The following ALPK2 variants were observed in gnomAD, a reference collection of about 807,000 sequenced individuals.
The protein encoded by ALPK2 is alpha kinase 2.
In ALPK2, 127 loss-of-function variants were observed where a neutral mutation model predicts 163.1. That is an observed-to-expected ratio of 0.78 (90% CI 0.67 to 0.90). The LOEUF (loss-of-function observed/expected upper bound fraction) is 0.90, where lower values mean the gene tolerates loss of function less well. ALPK2 is among the 40% of genes least tolerant of loss of function. The pLI is 0.00. For synonymous variants in ALPK2, 953 were observed against 959.1 expected (o/e 0.99, Z 0.12); for missense variants, 2,360 against 2,589.6 (o/e 0.91, Z 1.92).
At chr18:58,552,334 TG>T (rs1350405413) in intron 4 of ALPK2, among the ~76,000 whole-genome samples, 1 of 152,216 alleles carries the variant, frequency 6.6e-6, no homozygotes, top group Non-Finnish European at 1.5e-5. Context: ...CAACAAATAT[TG>T]ACAGACACTG....
chr18:58,536,750 C>A lies in ALPK2; in HGVS notation c.3437G>T (p.Gly1146Val). Reference protein sequence around the residue: ...GVQQQSLSQQGSLSAPDFQQS... With the variant: ...GVQQQSLSQQVSLSAPDFQQS... ...TTGGAAATCAGGTGCAGAAAGAGAA[C>A]CCTGCTGGGACAGGCTCTGCTGCTG... Residue 1146 changes from glycine to valine, a missense_variant, in exon 5 of 13, where the codon GGT becomes GTT. Coordinates refer to ENST00000361673, the MANE Select transcript of ALPK2 (RefSeq NM_052947.4). The A allele has an allele frequency of 6.2e-7, 1 of 1,614,190 alleles. No homozygotes were observed. The highest frequency in any genetic ancestry group is 2.2e-5 in the East Asian group (1 of 44,890).
intron 8 of ALPK2, among the ~76,000 whole-genome samples, chr18:58,522,282 A>T (rs1273370358): frequency 6.6e-6 from 1 of 152,148 alleles, no homozygotes; most frequent in Admixed American, 6.5e-5. Context: ...GTGGTTTAAG[A>T]GTGGCCACAC....
At chr18:58,590,645 CTT>C (rs1282946430) in intron 3 of ALPK2, among the ~76,000 whole-genome samples, 1 of 152,202 alleles carries the variant, frequency 6.6e-6, no homozygotes, top group Non-Finnish European at 1.5e-5. Context: ...ATAGGAAAGA[CTT>C]TGGTCTTTCC....
intron 1 of ALPK2, among the ~76,000 whole-genome samples, chr18:58,616,792 T>C (rs546353865): frequency 6.6e-6 from 1 of 152,228 alleles, no homozygotes; most frequent in East Asian, 1.9e-4. Context: ...TTTCCCTGAG[T>C]TCTGTGAGCT....
In ALPK2 at chr18:58,504,156, G is replaced by T. The variant is rs749863683; in HGVS notation, c.6030-8C>A. 5.6e-6 allele frequency: 9 copies of T among 1,611,564 alleles called. No individual in the cohort carries two copies. In the South Asian group the frequency reaches 9.9e-5, roughly 18 times the overall value. On this transcript the variant is annotated splice_polypyrimidine_tract_variant and splice_region_variant and intron_variant, in intron 10 of 12. Coordinates refer to ENST00000361673, the MANE Select transcript of ALPK2 (RefSeq NM_052947.4). ...AGAAAAATAGGAATGATCCTGGCAG[G>T]GAAGAGAACACAGGCGCACATCAAG...
At chr18:58,542,800 A>G (rs1198031253) in intron 4 of ALPK2, among the ~76,000 whole-genome samples, 1 of 152,180 alleles carries the variant, frequency 6.6e-6, no homozygotes, top group Non-Finnish European at 1.5e-5. Flanking sequence ...GGTGGTCAGC[A>G]TGCAGTGGCG....
intron 10 of ALPK2, among the ~76,000 whole-genome samples, chr18:58,509,497 C>G (rs941626668): frequency 1.3e-5 from 2 of 152,156 alleles, no homozygotes; most frequent in Non-Finnish European, 2.9e-5. Flanking sequence ...TATAGTCCCA[C>G]CAACAGTGTA....
chr18:58,536,196 G>A lies in ALPK2; in HGVS notation c.3991C>T (p.Arg1331Trp), dbSNP rs138767827. Residue 1331 changes from arginine (R) to tryptophan (W), a missense_variant, in exon 5 of 13, where the codon CGG becomes TGG. Coordinates refer to ENST00000361673, the MANE Select transcript of ALPK2 (RefSeq NM_052947.4). The part of the protein sequence containing the change: ...ISVHWRSLSS[R>W]GFSQPRLLES... ...AGGAGTCTGGGTTGGCTGAAACCCCGGGAAGAAAGACTTCTCCAATGTACA... is the reference window on the plus strand; with the variant it reads ...AGGAGTCTGGGTTGGCTGAAACCCCAGGAAGAAAGACTTCTCCAATGTACA... 565 of 1,614,120 alleles carry A rather than the reference G, an allele frequency of 3.5e-4. 1 individual carries two copies. The highest frequency in any genetic ancestry group is 3.5e-4 in the Non-Finnish European group (417 of 1,180,008).
chr18:58,620,734 G>A (rs867205081), intron 1 of ALPK2, among the ~76,000 whole-genome samples: 7 of 152,326 alleles, frequency 4.6e-5, no homozygotes, highest in East Asian at 3.9e-4. Context: ...AATTTAATGA[G>A]CCCCTACTAA....
chr18:58,569,043 A>G (rs930435934), intron 4 of ALPK2, among the ~76,000 whole-genome samples: 14 of 152,256 alleles, frequency 9.2e-5, no homozygotes, highest in East Asian at 1.9e-4. Flanking sequence ...GCAAAACCCC[A>G]TCTCTACTAA....
Position 58,535,641 on chromosome 18 carries a change from T to C in ALPK2, c.4546A>G (p.Ser1516Gly). The change falls in exon 5 of 13, where the codon AGC becomes GGC. Residue 1516 changes from serine (S) to glycine (G), a missense_variant. Transcript: ENST00000361673. ...GCCTCCCCTAAGCTCCCATCACTGC[T>C]TTCTTGTATTTGGCCTATGCTACAT... The part of the protein sequence containing the change: ...SGCSIGQIQE[S>G]SDGSLGEAEQ... 6.2e-7 allele frequency: 1 copy of C among 1,614,258 alleles called. No homozygotes were observed. Among genetic ancestry groups the C allele is most frequent in the Non-Finnish European group, 8.5e-7 (1 of 1,180,034 alleles).
intron 4 of ALPK2, chr18:58,543,338 T>A (rs2051700879): frequency 1.0e-6 from 1 of 984,624 alleles, no homozygotes. Context: ...ACGGACTAAG[T>A]CACAGAGGGA....
intron 5 of ALPK2, among the ~76,000 whole-genome samples, chr18:58,533,577 G>T (rs878977637): frequency 6.6e-6 from 1 of 151,466 alleles, no homozygotes; most frequent in Non-Finnish European, 1.5e-5. Context: ...CTCCTTAGCC[G>T]CAGAGTAGCT....
chr18:58,609,004 A>T (rs1326921971), intron 2 of ALPK2, among the ~76,000 whole-genome samples: 1 of 152,066 alleles, frequency 6.6e-6, no homozygotes, highest in African/African-American at 2.4e-5. Flanking sequence ...GGAACTCCAT[A>T]GAAAGAGGAA....
chr18:58,535,044 G>T lies in ALPK2; in HGVS notation c.5143C>A (p.Pro1715Thr). The T allele has an allele frequency of 6.2e-7, 1 of 1,614,040 alleles. No homozygotes were observed. The highest frequency in any genetic ancestry group is 8.5e-7 in the Non-Finnish European group (1 of 1,179,988). ...VTGSEEVKRK[P>T]EAPGSGHLAE... ...AAATGTCCACTGCCTGGGGCTTCTG[G>T]CTTCCTCTTGACCTCCTCTGACCCC... is the stretch of plus-strand genomic sequence containing the variant. The change falls in exon 5 of 13, where the codon CCA (proline) becomes ACA (threonine). Residue 1715 changes from proline to threonine, a missense_variant. By Grantham distance (38) the Pro-to-Thr change is conservative. Coordinates refer to ENST00000361673, the MANE Select transcript of ALPK2 (RefSeq NM_052947.4).
At chr18:58,488,925 A>C (rs1391456670) in intron 12 of ALPK2, among the ~76,000 whole-genome samples, 1 of 151,906 alleles carries the variant, frequency 6.6e-6, no homozygotes, top group African/African-American at 2.4e-5. Flanking sequence ...CATACCCTTC[A>C]TTTTTCATGT....
Position 58,535,373 on chromosome 18 carries a change from A to G in ALPK2, c.4814T>C (p.Leu1605Pro), listed in dbSNP as rs1242710684. 2.5e-6 allele frequency: 4 copies of G among 1,614,080 alleles called. No individual in the cohort carries two copies. Among genetic ancestry groups the G allele is most frequent in the Middle Eastern group, 1.6e-4 (1 of 6,084 alleles). The change falls in exon 5 of 13, where the codon CTT becomes CCT. Residue 1605 changes from leucine to proline, a missense_variant. Physicochemically the swap from Leu to Pro is moderately conservative, Grantham distance 98 (BLOSUM62 -3). Transcript: ENST00000361673. ...RGKPLPSSPD[L>P]TRFPCTSSPE... Reference sequence around the variant, plus strand: ...AGATGAAGTACAAGGGAACCTGGTAAGATCAGGAGAAGAGGGCAAAGGTTT... The same window carrying G: ...AGATGAAGTACAAGGGAACCTGGTAGGATCAGGAGAAGAGGGCAAAGGTTT...
intron 10 of ALPK2, among the ~76,000 whole-genome samples, chr18:58,510,140 G>A (rs2051482570): frequency 6.6e-6 from 1 of 152,130 alleles, no homozygotes; most frequent in Non-Finnish European, 1.5e-5. Flanking sequence ...ATTAAATAGG[G>A]AATCCTTTCC....
intron 4 of ALPK2, among the ~76,000 whole-genome samples, chr18:58,554,759 C>G (rs1317736553): frequency 1.3e-5 from 2 of 152,192 alleles, no homozygotes; most frequent in African/African-American, 2.4e-5. Flanking sequence ...TTGGAACCAG[C>G]TTGATATGGT....
Sources: gnomAD v4.1 joint callset for allele counts (sites outside exome capture counted in the v4.1 genomes callset) on GRCh38, gnomAD v4.1.1 for gene constraint, MANE v1.5 for transcripts, NCBI Gene and HGNC (gene_info 2026-07-23, HGNC 2026-07-21) for gene names.